Variants in DPP6 observed in about 807,000 individuals in gnomAD.
The protein encoded by DPP6 is A-type potassium channel modulatory protein DPP6.
Under a neutral mutation model 122.6 loss-of-function variants are expected in DPP6, and 69 were observed. That is an observed-to-expected ratio of 0.56 (90% CI 0.46 to 0.69). The LOEUF (loss-of-function observed/expected upper bound fraction) is 0.69, where lower values mean the gene tolerates loss of function less well. Among genes scored for constraint, DPP6 ranks in the 30% least tolerant of loss-of-function variants. The pLI, the probability that DPP6 is intolerant of heterozygous loss-of-function variation, is 0.00. For missense variants in DPP6, 928 were observed against 1,116.9 expected, an observed-to-expected ratio of 0.83 and a Z score of 2.41; for synonymous variants, 418 against 433.1, an observed-to-expected ratio of 0.97 and a Z score of 0.43.
rs1299937944 is a variant in DPP6, at chr7:154,132,260, T to G, written c.243+79197T>G. Among the ~76,000 whole-genome samples, 10 of 152,210 alleles carry G rather than the reference T, an allele frequency of 6.6e-5. No individual in the cohort carries two copies. The East Asian group carries it at 1.9e-3, about 29-fold the overall frequency. The stretch of plus-strand genomic sequence containing the variant: ...GGCTTAATATTGATCTGACTATGTA[T>G]TTCCCTTGGCTCGCTAAATATATAC... On this transcript the variant is annotated intron_variant, in intron 1 of 25. Coordinates refer to ENST00000377770, the MANE Select transcript of DPP6 (RefSeq NM_130797.4).
At chr7:153,754,572 T>C in the DPP6 span, among the ~76,000 whole-genome samples, 1 of 152,350 alleles carries the variant, frequency 6.6e-6, no homozygotes, top group South Asian at 2.1e-4. Context: ...ACCTTGAATC[T>C]TTAAATGCAC....
In DPP6 at chr7:154,832,768, G is replaced by A. The variant is rs1800732199; in HGVS notation, c.1667-21012G>A. Among the ~76,000 whole-genome samples, 4 of 152,212 alleles carry A rather than the reference G, an allele frequency of 2.6e-5. No homozygotes were observed. In the South Asian group the frequency reaches 8.3e-4, roughly 32 times the overall value. ...CTAGTGACGTCCTAGACACAAGAGG[G>A]CACTGCAGTACTGCACATTTGTGCT... On this transcript the variant is annotated intron_variant, in intron 16 of 25. Coordinates refer to ENST00000377770, the MANE Select transcript of DPP6 (RefSeq NM_130797.4).
chr7:153,838,355 CTG>C, the DPP6 span, among the ~76,000 whole-genome samples: 1 of 152,114 alleles, frequency 6.6e-6, no homozygotes, highest in Admixed American at 6.5e-5. Context: ...AGGCTGTCCT[CTG>C]TGTTTCAGTG....
chr7:153,896,702 A>G (rs1424456517), intron 1 of DPP6, among the ~76,000 whole-genome samples: 1 of 152,174 alleles, frequency 6.6e-6, no homozygotes, highest in African/African-American at 2.4e-5. Context: ...CATCCTAGCT[A>G]CTGAGGAGGC....
chr7:154,386,002 T>C (rs952285939), intron 1 of DPP6, among the ~76,000 whole-genome samples: 3 of 152,162 alleles, frequency 2.0e-5, no homozygotes, highest in African/African-American at 7.2e-5. Context: ...ATGATATCAT[T>C]CTTCCAGAAA....
chr7:154,283,680 C>T (rs146371523), intron 1 of DPP6, among the ~76,000 whole-genome samples: 36 of 152,308 alleles, frequency 2.4e-4, no homozygotes, highest in African/African-American at 8.4e-4. Flanking sequence ...ACTTGTGCAT[C>T]GTTGATGATC....
Position 154,893,122 on chromosome 7 carries a change from G to A in DPP6, c.*642G>A, listed in dbSNP as rs557096444. The A allele has an allele frequency of 9.3e-5, 33 of 355,432 alleles. No homozygotes were observed. Among genetic ancestry groups the A allele is most frequent in the Admixed American group, 3.0e-4 (8 of 26,514 alleles). 22.0% of individuals were successfully genotyped at this position (355,432 alleles called of 1,614,324 possible). A position where few individuals can be genotyped will look rare whatever the true frequency, so the allele number is the denominator to read the frequency against. The stretch of plus-strand genomic sequence containing the variant: ...TTTAACCTGATGCTCCACTGTCTCC[G>A]TCATGGGGTTGTTTTGCTGTTTGGG... On this transcript the variant is annotated 3_prime_UTR_variant, in exon 26 of 26. Transcript: ENST00000377770.
chr7:153,860,844 A>G, the DPP6 span, among the ~76,000 whole-genome samples: 8 of 152,190 alleles, frequency 5.3e-5, no homozygotes, highest in Admixed American at 5.2e-4. Flanking sequence ...AATAGCTTAT[A>G]TTTTAACCTT....
chr7:154,236,156 T>A (rs1801201255), intron 1 of DPP6, among the ~76,000 whole-genome samples: 1 of 152,194 alleles, frequency 6.6e-6, no homozygotes, highest in Admixed American at 6.5e-5. Context: ...TCCAGCCAGT[T>A]TTATTATCTT....
At chr7:154,407,793 C>G (rs1816247400) in intron 1 of DPP6, among the ~76,000 whole-genome samples, 1 of 152,120 alleles carries the variant, frequency 6.6e-6, no homozygotes, top group Admixed American at 6.5e-5. Context: ...TCCTAATATA[C>G]CGTGTCCAAT....
intron 1 of DPP6, among the ~76,000 whole-genome samples, chr7:153,923,059 C>G (rs1800715407): frequency 6.6e-6 from 1 of 152,188 alleles, no homozygotes; most frequent in South Asian, 2.1e-4. Context: ...AAATGCAATG[C>G]TTGGACCTTC....
chr7:154,251,658 A>C (rs1802357276), intron 1 of DPP6, among the ~76,000 whole-genome samples: 1 of 152,224 alleles, frequency 6.6e-6, no homozygotes, highest in Non-Finnish European at 1.5e-5. Context: ...CGAAGGCCCA[A>C]GAGCCACTGG....
the DPP6 span, among the ~76,000 whole-genome samples, chr7:153,843,255 TACAG>T: frequency 6.2e-5 from 9 of 144,784 alleles, no homozygotes; most frequent in East Asian, 1.5e-3. Context: ...TACATGTGCA[TACAG>T]ACACACACGC....
chr7:153,913,696 C>G (rs911311415), intron 1 of DPP6, among the ~76,000 whole-genome samples: 2 of 152,026 alleles, frequency 1.3e-5, no homozygotes, highest in Admixed American at 6.6e-5. Context: ...TTAAACTTTG[C>G]TTTTTCAGAC....
At chr7:154,756,572 G>A (rs1277201348) in intron 8 of DPP6, among the ~76,000 whole-genome samples, 1 of 152,126 alleles carries the variant, frequency 6.6e-6, no homozygotes, top group East Asian at 1.9e-4. Flanking sequence ...GTAGGGGGCA[G>A]GGCCGGATTT....
At chr7:154,678,191 G>T (rs1312214834) in intron 7 of DPP6, among the ~76,000 whole-genome samples, 1 of 152,198 alleles carries the variant, frequency 6.6e-6, no homozygotes, top group Non-Finnish European at 1.5e-5. Context: ...TCAGCAGGAT[G>T]GGGGCGGGCC....
rs1829492279 is a variant in DPP6, at chr7:154,549,750, A to G, written c.552+9124A>G. Reference sequence around the variant, plus strand: ...TGGGGAGAACAAACCTTATCATCGCATGTGGGCCAGGTTGCTAGCAACATG... The same window carrying G: ...TGGGGAGAACAAACCTTATCATCGCGTGTGGGCCAGGTTGCTAGCAACATG... On this transcript the variant is annotated intron_variant, in intron 4 of 25. Coordinates refer to ENST00000377770, the MANE Select transcript of DPP6 (RefSeq NM_130797.4). Among the ~76,000 whole-genome samples, 3 of 152,172 alleles carry G rather than the reference A, an allele frequency of 2.0e-5. No individual in the cohort carries two copies. The South Asian group carries it at 6.2e-4, about 31-fold the overall frequency.
At chr7:154,584,375 C>T (rs1251544486) in intron 5 of DPP6, among the ~76,000 whole-genome samples, 1 of 152,242 alleles carries the variant, frequency 6.6e-6, no homozygotes, top group Admixed American at 6.5e-5. Context: ...CCGTGCACAC[C>T]CACGGGGACC....
At chr7:154,213,443 A>G (rs1279862510) in intron 1 of DPP6, among the ~76,000 whole-genome samples, 5 of 152,228 alleles carry the variant, frequency 3.3e-5, no homozygotes, top group African/African-American at 7.2e-5. Context: ...TTTATGCCTC[A>G]TCACCACCCT....
Sources: gnomAD v4.1 joint callset for allele counts (sites outside exome capture counted in the v4.1 genomes callset) on GRCh38, gnomAD v4.1.1 for gene constraint, MANE v1.5 for transcripts, NCBI Gene and HGNC (gene_info 2026-07-23, HGNC 2026-07-21) for gene names.